SEC14L5: variants seen among roughly 807,000 people sequenced by gnomAD.
The protein encoded by SEC14L5 is SEC14 like lipid binding 5.
SEC14L5 carries 96 observed loss-of-function variants against 84.6 expected under a neutral mutation model. The ratio of observed to expected loss-of-function variants is 1.13; its 90% confidence interval spans 0.96 to 1.34. The LOEUF (loss-of-function observed/expected upper bound fraction) is 1.34, where lower values mean the gene tolerates loss of function less well. SEC14L5 is among the 40% of genes most tolerant of loss of function. SEC14L5 has a pLI of 0.00. For synonymous variants in SEC14L5, 546 were observed against 383.4 expected (o/e 1.42, Z -4.95); for missense variants, 1,224 against 942.5 (o/e 1.30, Z -3.91).
intron 2 of SEC14L5, among the ~76,000 whole-genome samples, chr16:4,968,284 ATTC>A: frequency 6.6e-6 from 1 of 151,850 alleles, no homozygotes; most frequent in African/African-American, 2.4e-5. Context: ...GGTTCAAGCA[ATTC>A]TTCTACCTCA....
intron 12 of SEC14L5, among the ~76,000 whole-genome samples, chr16:5,006,633 A>G (rs1955735055): frequency 6.6e-6 from 1 of 152,188 alleles, no homozygotes. Context: ...TTTCTAACAG[A>G]AATACCAGAC....
chr16:4,987,247 T>G lies in SEC14L5; in HGVS notation c.64-310T>G, dbSNP rs117717644. Among the ~76,000 whole-genome samples, 359 of 150,444 alleles carry G rather than the reference T, an allele frequency of 2.4e-3. 2 individuals carry two copies. The East Asian group carries it at 0.03, about 13-fold the overall frequency. On this transcript the variant is annotated intron_variant, in intron 2 of 15. Coordinates refer to ENST00000251170, the MANE Select transcript of SEC14L5 (RefSeq NM_014692.2). ...GAAGGGGTGTTGGATTTTTCTCAAA[T>G]GCTTTTCCTGAGAAATACCTTATTT...
intron 8 of SEC14L5, 22 bp downstream of exon 8, chr16:4,997,066 A>T: frequency 2.5e-6 from 4 of 1,572,880 alleles, no homozygotes; most frequent in Non-Finnish European, 3.5e-6. Context: ...CACCCACATC[A>T]TGTATAGGGC....
chr16:4,973,594 A>G (rs561203448), intron 2 of SEC14L5, among the ~76,000 whole-genome samples: 51 of 152,318 alleles, frequency 3.3e-4, no homozygotes, highest in Non-Finnish European at 6.6e-4. Flanking sequence ...GCACGATGCA[A>G]CACAGATGGG....
chr16:4,961,682 G>A (rs1277593097), intron 2 of SEC14L5, among the ~76,000 whole-genome samples: 2 of 152,106 alleles, frequency 1.3e-5, no homozygotes, highest in African/African-American at 4.8e-5. Flanking sequence ...ATTTTCAAGT[G>A]CAATGATTGT....
At position 5,007,462 on chromosome 16, in the gene SEC14L5, C is replaced by T. The variant is rs765045133; in HGVS notation, c.1548C>T (p.Ser516=). The T allele has an allele frequency of 2.2e-5, 35 of 1,613,470 alleles. No individual in the cohort carries two copies. The Middle Eastern group carries it at 4.9e-4, about 23-fold the overall frequency. ...GGAGTGAGACCTACCATTCAGCCAG[C>T]GTGCTCCGCGGAGCCCCCCACGAGG... The part of the protein sequence containing the change: ...WQWSETYHSA[S]VLRGAPHEVA... Residue 516 remains serine, a synonymous_variant, in exon 13 of 16, where the codon AGC becomes AGT. Transcript: ENST00000251170.
chr16:4,959,008 C>A (rs1454090050), intron 1 of SEC14L5, among the ~76,000 whole-genome samples: 3 of 150,936 alleles, frequency 2.0e-5, no homozygotes, highest in Admixed American at 2.0e-4. Flanking sequence ...CTTCTGGGGG[C>A]CCTCAGTGTG....
chr16:5,004,731 G>C (rs1475788409), intron 11 of SEC14L5, among the ~76,000 whole-genome samples: 1 of 152,164 alleles, frequency 6.6e-6, no homozygotes, highest in Non-Finnish European at 1.5e-5. Context: ...ATTCCCTGTA[G>C]AACTGGCCTG....
intron 10 of SEC14L5, 37 bp from the exon 11 acceptor site, chr16:5,003,365 G>T (rs556659871): frequency 3.1e-5 from 49 of 1,578,912 alleles, no homozygotes; most frequent in Non-Finnish European, 3.9e-5. Context: ...TTGGGAGGCA[G>T]CAGAGCCAGG....
At chr16:5,007,602 CTTTCTTTT>C in intron 13 of SEC14L5, 116 bp downstream of exon 13, 2 of 767,710 alleles carry the variant, frequency 2.6e-6, no homozygotes, top group East Asian at 5.8e-5. Flanking sequence ...TTCTTTCTTT[CTTTCTTTT>C]TTTTTTTTTT....
intron 2 of SEC14L5, among the ~76,000 whole-genome samples, chr16:4,985,231 G>T (rs1013165386): frequency 6.6e-6 from 1 of 151,906 alleles, no homozygotes; most frequent in South Asian, 2.1e-4. Context: ...TATTTTATTT[G>T]TTTATTTTTT....
chr16:4,963,108 C>T (rs1192140331), intron 2 of SEC14L5, among the ~76,000 whole-genome samples: 1 of 152,196 alleles, frequency 6.6e-6, no homozygotes, highest in Non-Finnish European at 1.5e-5. Flanking sequence ...CAAAATGCTC[C>T]TAGCTTCTTC....
Position 5,014,925 on chromosome 16 carries a change from C to G in SEC14L5, c.2046C>G (p.Ser682=), listed in dbSNP as rs1307740471. 4.3e-6 allele frequency: 7 copies of G among 1,610,942 alleles called. No individual in the cohort carries two copies. Among genetic ancestry groups the G allele is most frequent in the Admixed American group, 1.7e-5 (1 of 59,992 alleles). The change falls in exon 16 of 16, where the codon TCC becomes TCG. Residue 682 remains serine, a synonymous_variant. Coordinates refer to ENST00000251170, the MANE Select transcript of SEC14L5 (RefSeq NM_014692.2). The stretch of plus-strand genomic sequence containing the variant: ...CCCAGCTCAGCGCCGCCACCTCGTC[C>G]TCCTCCTCCGGCCAGTCTCATAGCA... The part of the protein sequence containing the change: ...GFSQLSAATS[S]SSSGQSHSSS...
At chr16:4,986,516 C>T (rs1201830009) in intron 2 of SEC14L5, among the ~76,000 whole-genome samples, 1 of 152,136 alleles carries the variant, frequency 6.6e-6, no homozygotes, top group Non-Finnish European at 1.5e-5. Flanking sequence ...TTTTGGTTAT[C>T]TTGGGTCTGT....
chr16:4,983,761 C>G (rs59790156), intron 2 of SEC14L5, among the ~76,000 whole-genome samples: 2,492 of 151,828 alleles, frequency 0.016, 40 homozygotes, highest in African/African-American at 0.049. Context: ...CCTGTAATCC[C>G]AGCTACTTGG....
At chr16:4,987,795 C>G in intron 3 of SEC14L5, 89 bp downstream of exon 3, 2 of 1,032,728 alleles carry the variant, frequency 1.9e-6, no homozygotes, top group South Asian at 3.5e-5. Flanking sequence ...ACCAGGGCGG[C>G]GGGGTCCAGG....
At chr16:4,979,330 C>G (rs559124423) in intron 2 of SEC14L5, among the ~76,000 whole-genome samples, 1 of 152,164 alleles carries the variant, frequency 6.6e-6, no homozygotes, top group Non-Finnish European at 1.5e-5. Flanking sequence ...GCAAGGGGGT[C>G]AAATTGCAGC....
At chr16:4,991,609 C>T (rs1052103367) in intron 5 of SEC14L5, among the ~76,000 whole-genome samples, 6 of 152,074 alleles carry the variant, frequency 3.9e-5, no homozygotes, top group African/African-American at 7.2e-5. Context: ...ACCCAAAAAA[C>T]TGATTACTGA....
intron 2 of SEC14L5, among the ~76,000 whole-genome samples, chr16:4,985,808 A>G (rs929428214): frequency 2.0e-5 from 3 of 150,776 alleles, no homozygotes; most frequent in East Asian, 1.9e-4. Context: ...AAATTATATT[A>G]TATAGAAACA....
Sources: gnomAD v4.1 joint callset for allele counts (sites outside exome capture counted in the v4.1 genomes callset) on GRCh38, gnomAD v4.1.1 for gene constraint, MANE v1.5 for transcripts, NCBI Gene and HGNC (gene_info 2026-07-23, HGNC 2026-07-21) for gene names.